The following EXOC4 variants were observed in gnomAD, a reference collection of about 807,000 sequenced individuals.
The protein encoded by EXOC4 is exocyst complex component 4.
A neutral mutation model predicts 107.2 loss-of-function variants in EXOC4; 71 were observed. That is an observed-to-expected ratio of 0.66 (90% CI 0.55 to 0.81). EXOC4 has a LOEUF of 0.81. EXOC4 is among the 30% of genes least tolerant of loss of function. EXOC4 has a pLI of 0.00. For missense variants in EXOC4, 1,108 were observed against 1,189.6 expected (o/e 0.93, Z 1.01); for synonymous variants, 456 against 441.2 (o/e 1.03, Z -0.42).
intron 9 of EXOC4, among the ~76,000 whole-genome samples, chr7:133,537,745 A>G (rs529730972): frequency 9.9e-5 from 15 of 152,172 alleles, no homozygotes; most frequent in African/African-American, 1.2e-4. Flanking sequence ...TTTTAAACCA[A>G]AATAATGGTA....
chr7:133,800,634 T>G (rs952105732), intron 10 of EXOC4, among the ~76,000 whole-genome samples: 4 of 152,202 alleles, frequency 2.6e-5, no homozygotes, highest in African/African-American at 9.6e-5. Context: ...GTTTCAAAAG[T>G]TGAAGCAATC....
downstream of EXOC4, among the ~76,000 whole-genome samples, chr7:134,069,313 T>C (rs140114553): frequency 1.1e-3 from 51 of 45,142 alleles, 1 homozygote; most frequent in East Asian, 4.5e-3. Context: ...TCCTCCTTTC[T>C]TCCTTCTCCC....
intron 10 of EXOC4, among the ~76,000 whole-genome samples, chr7:133,709,630 A>G (rs1178312584): frequency 7.0e-6 from 1 of 143,218 alleles, no homozygotes; most frequent in East Asian, 2.1e-4. Flanking sequence ...ACTCATCACT[A>G]TCATAATCTG....
chr7:133,830,929 C>T (rs1233527708), intron 11 of EXOC4, among the ~76,000 whole-genome samples: 1 of 152,018 alleles, frequency 6.6e-6, no homozygotes, highest in Non-Finnish European at 1.5e-5. Context: ...ATAGTTTTCT[C>T]ACTTTCCTTT....
At chr7:133,310,566 A>G (rs902410544) in intron 4 of EXOC4, among the ~76,000 whole-genome samples, 3 of 152,210 alleles carry the variant, frequency 2.0e-5, no homozygotes, top group East Asian at 1.9e-4. Context: ...CACAGAATCT[A>G]TGGGAAGTCT....
At chr7:133,431,685 C>T (rs544331071) in intron 7 of EXOC4, among the ~76,000 whole-genome samples, 23 of 152,194 alleles carry the variant, frequency 1.5e-4, no homozygotes, top group African/African-American at 4.1e-4. Flanking sequence ...GTATCTGAGG[C>T]GTTGTTTTTA....
chr7:133,979,619 C>T (rs973752793), intron 14 of EXOC4, among the ~76,000 whole-genome samples: 11 of 152,030 alleles, frequency 7.2e-5, no homozygotes, highest in Non-Finnish European at 1.3e-4. Flanking sequence ...AACCCTGTCT[C>T]TACCAAAAAT....
At chr7:133,436,762 A>C (rs992567077) in intron 7 of EXOC4, among the ~76,000 whole-genome samples, 7 of 152,052 alleles carry the variant, frequency 4.6e-5, no homozygotes, top group Admixed American at 3.3e-4. Context: ...ATGCAAAAAA[A>C]CTCCAAAAAT....
rs765843046 is a variant in EXOC4, at chr7:134,064,575, C to T, written c.*47C>T. 3 of 1,296,444 alleles carry T rather than the reference C, an allele frequency of 2.3e-6. No homozygotes were observed. In the South Asian group the frequency reaches 4.1e-5, roughly 18 times the overall value. The allele number at this position is 1,296,444 out of a possible 1,614,324, so 80.3% of individuals were successfully genotyped here. On this transcript the variant is annotated 3_prime_UTR_variant, in exon 18 of 18. Coordinates refer to ENST00000253861, the MANE Select transcript of EXOC4 (RefSeq NM_021807.4). ...ACGGGGGTCCCCTCAGTCACACTCA[C>T]TTTTTTCCTTGGTATGTTATTGAGT...
At chr7:133,330,819 C>T (rs1309946699) in intron 5 of EXOC4, among the ~76,000 whole-genome samples, 1 of 152,098 alleles carries the variant, frequency 6.6e-6, no homozygotes, top group African/African-American at 2.4e-5. Flanking sequence ...GAACCGGGTA[C>T]CTCAGTTGGA....
chr7:133,476,070 C>T (rs1799005742), intron 8 of EXOC4, among the ~76,000 whole-genome samples: 1 of 152,080 alleles, frequency 6.6e-6, no homozygotes, highest in African/African-American at 2.4e-5. Context: ...AGGTATCAGG[C>T]ACTGTACTGG....
chr7:133,896,885 G>A lies in EXOC4; in HGVS notation c.1871+1150G>A, dbSNP rs1234762962. On this transcript the variant is annotated intron_variant, in intron 12 of 17. Coordinates refer to ENST00000253861, the MANE Select transcript of EXOC4 (RefSeq NM_021807.4). ...TCACCATGTTGGCCAGGCTGGTCGCGAATTCCTAACCTCATGATCCGCCCA... is the reference window on the plus strand; with the variant it reads ...TCACCATGTTGGCCAGGCTGGTCGCAAATTCCTAACCTCATGATCCGCCCA... Among the ~76,000 whole-genome samples the A allele has an allele frequency of 5.7e-5, 5 of 87,534 alleles. 2 individuals carry two copies. Among genetic ancestry groups the A allele is most frequent in the African/African-American group, 2.3e-4 (2 of 8,602 alleles). The allele number at this position is 87,534 out of a possible 152,430, so 57.4% of individuals were successfully genotyped here.
intron 2 of EXOC4, among the ~76,000 whole-genome samples, chr7:133,279,731 A>G (rs1794087557): frequency 1.3e-5 from 2 of 152,064 alleles, no homozygotes; most frequent in East Asian, 1.9e-4. Context: ...GTTACCCAGG[A>G]TGGTCTCAAA....
At chr7:133,424,449 CACATCTGA>C (rs1797678788) in intron 7 of EXOC4, among the ~76,000 whole-genome samples, 1 of 152,098 alleles carries the variant, frequency 6.6e-6, no homozygotes, top group East Asian at 1.9e-4. Context: ...AAACTCCGGA[CACATCTGA>C]ACATCTGAAG....
intron 11 of EXOC4, among the ~76,000 whole-genome samples, chr7:133,887,718 T>C (rs572179093): frequency 6.6e-6 from 1 of 152,216 alleles, no homozygotes; most frequent in Non-Finnish European, 1.5e-5. Context: ...CAGAGGCATC[T>C]CCTCATGCTC....
chr7:133,413,555 A>G (rs1430364710), intron 7 of EXOC4, among the ~76,000 whole-genome samples: 2 of 152,138 alleles, frequency 1.3e-5, no homozygotes, highest in African/African-American at 2.4e-5. Context: ...CAGTCTTGCT[A>G]CTTTGGATGG....
At chr7:133,258,143 A>G (rs539347303) in intron 1 of EXOC4, among the ~76,000 whole-genome samples, 24 of 152,214 alleles carry the variant, frequency 1.6e-4, no homozygotes, top group Non-Finnish European at 2.6e-4. Context: ...TTTGAAAATT[A>G]CTACTAGAAT....
At chr7:133,985,580 A>G (rs768817285) in intron 14 of EXOC4, among the ~76,000 whole-genome samples, 4 of 152,164 alleles carry the variant, frequency 2.6e-5, no homozygotes, top group Non-Finnish European at 5.9e-5. Context: ...GCTTTCTTTT[A>G]AACAATATGT....
chr7:133,698,645 C>T (rs1197174416), intron 10 of EXOC4, among the ~76,000 whole-genome samples: 1 of 151,850 alleles, frequency 6.6e-6, no homozygotes, highest in Non-Finnish European at 1.5e-5. Flanking sequence ...ACAGACTAGA[C>T]TATATAACTA....
Sources: gnomAD v4.1 joint callset for allele counts (sites outside exome capture counted in the v4.1 genomes callset) on GRCh38, gnomAD v4.1.1 for gene constraint, MANE v1.5 for transcripts, NCBI Gene and HGNC (gene_info 2026-07-23, HGNC 2026-07-21) for gene names.